KIF7: variants seen among roughly 807,000 people sequenced by gnomAD.
The protein encoded by KIF7 is kinesin family member 7.
In KIF7, 104 loss-of-function variants were observed where a neutral mutation model predicts 135.7. The observed-to-expected ratio is 0.77, with a 90% CI of 0.65 to 0.90. The LOEUF is 0.90. KIF7 is among the 40% of genes least tolerant of loss of function. KIF7 has a pLI of 0.00. For missense variants in KIF7, 2,005 were observed against 1,839.1 expected (o/e 1.09, Z -1.65); for synonymous variants, 883 against 809.4 (o/e 1.09, Z -1.54).
intron 2 of KIF7, among the ~76,000 whole-genome samples, chr15:89,650,560 AT>A (rs1422731246): frequency 2.0e-5 from 3 of 151,514 alleles, no homozygotes; most frequent in Non-Finnish European, 2.9e-5. Flanking sequence ...TGCCCAGCTA[AT>A]TTTTGTATTG....
In KIF7 at chr15:89,642,191, C is replaced by T. The variant is rs1219119252; in HGVS notation, c.2394+12G>A. The T allele has an allele frequency of 6.2e-6, 10 of 1,608,952 alleles. No homozygotes were observed. The highest frequency in any genetic ancestry group is 7.6e-6 in the Non-Finnish European group (9 of 1,179,010). ...TCACCCCAGCACCCCACCCTGAGGCCCCGAGACTAACCTGCACCTGGCTCT... is the reference window on the plus strand; with the variant it reads ...TCACCCCAGCACCCCACCCTGAGGCTCCGAGACTAACCTGCACCTGGCTCT... On this transcript the variant is annotated intron_variant, in intron 11 of 18. Transcript: ENST00000394412.
At position 89,652,863 on chromosome 15, in the gene KIF7, C is replaced by T. The variant is rs1209584417; in HGVS notation, c.68G>A (p.Arg23Gln). 3 of 1,546,864 alleles carry T rather than the reference C, an allele frequency of 1.9e-6. No homozygotes were observed. Among genetic ancestry groups the T allele is most frequent in the Non-Finnish European group, 2.6e-6 (3 of 1,145,282 alleles). The change falls in exon 2 of 19, where the codon CGA (arginine) becomes CAA (glutamine). Residue 23 changes from arginine to glutamine, a missense_variant. Arg to Gln is a conservative substitution (Grantham distance 43). Transcript: ENST00000394412. ...CAGCAGCTCCTTGGGCAGCAGTGGTCGAACTCGCAGGGCAACCCGCACTGG... is the reference window on the plus strand; with the variant it reads ...CAGCAGCTCCTTGGGCAGCAGTGGTTGAACTCGCAGGGCAACCCGCACTGG... ...EAPVRVALRVRPLLPKELLHG... is the reference protein window; with the variant it reads ...EAPVRVALRVQPLLPKELLHG...
chr15:89,654,681 C>T (rs868132221), intron 1 of KIF7, among the ~76,000 whole-genome samples: 11 of 152,214 alleles, frequency 7.2e-5, no homozygotes, highest in Non-Finnish European at 1.5e-4. Flanking sequence ...CAGCGCCCAA[C>T]ACAAGGTCCC....
intron 1 of KIF7, among the ~76,000 whole-genome samples, chr15:89,619,196 C>G (rs1008944441): frequency 1.4e-5 from 2 of 146,248 alleles, no homozygotes; most frequent in Non-Finnish European, 3.0e-5. Flanking sequence ...AACATAAATA[C>G]TTGTTTTCGC....
rs1295167090 is a variant in KIF7, at chr15:89,648,236, C to T, written c.1443+19G>A. The T allele has an allele frequency of 4.0e-6, 6 of 1,503,886 alleles. No homozygotes were observed. Among genetic ancestry groups the T allele is most frequent in the Non-Finnish European group, 5.3e-6 (6 of 1,126,746 alleles). The allele number at this position is 1,503,886 out of a possible 1,614,324, so 93.2% of individuals were successfully genotyped here. A position where few individuals can be genotyped will look rare whatever the true frequency, so the allele number is the denominator to read the frequency against. The stretch of plus-strand genomic sequence containing the variant: ...TCCCCACTGCCCACAACCACAACCA[C>T]AACCTGTCCCTCGGCCACCTTTCGC... On this transcript the variant is annotated intron_variant, in intron 5 of 18. Transcript: ENST00000394412.
At chr15:89,659,563 AG>A (rs1390075919), upstream of KIF7, among the ~76,000 whole-genome samples, 2 of 152,196 alleles carry the variant, frequency 1.3e-5, no homozygotes, top group African/African-American at 4.8e-5. Flanking sequence ...GAGAAGAGAA[AG>A]GGCAAATACT....
At chr15:89,619,570 A>G in intron 1 of KIF7, 1 of 834,868 alleles carries the variant, frequency 1.2e-6, no homozygotes, top group Non-Finnish European at 1.9e-6. Context: ...ACACTTCAGA[A>G]GTCTCTTAAA....
At chr15:89,621,722 C>G (rs1355019072) in intron 1 of KIF7, among the ~76,000 whole-genome samples, 1 of 152,136 alleles carries the variant, frequency 6.6e-6, no homozygotes, top group Admixed American at 6.5e-5. Context: ...GTGGGAACTT[C>G]AAGCAGCAGG....
intron 7 of KIF7, among the ~76,000 whole-genome samples, chr15:89,646,468 T>C (rs968975023): frequency 6.6e-6 from 1 of 152,114 alleles, no homozygotes; most frequent in African/African-American, 2.4e-5. Context: ...AAAAGTGAAC[T>C]TGCAAAGAGA....
intron 10 of KIF7, among the ~76,000 whole-genome samples, chr15:89,643,724 A>G (rs1277548122): frequency 6.6e-6 from 1 of 152,152 alleles, no homozygotes; most frequent in Non-Finnish European, 1.5e-5. Context: ...GTCTCTACTA[A>G]AAATACAAAA....
chr15:89,649,858 C>T lies in KIF7; in HGVS notation c.412G>A (p.Asp138Asn), dbSNP rs2142032150. The T allele has an allele frequency of 6.4e-7, 1 of 1,551,838 alleles. No individual in the cohort carries two copies. The change falls in exon 3 of 19, where the codon GAC becomes AAC. Residue 138 changes from aspartate (D) to asparagine (N), a missense_variant. Asp to Asn is a conservative substitution (Grantham distance 23). Coordinates refer to ENST00000394412, the MANE Select transcript of KIF7 (RefSeq NM_198525.3). ...FKLIDENDLL[D>N]CLVHVSYLEV... is the part of the protein sequence containing the mutation. ...AGGTAGGACACATGTACCAGACAGT[C>T]AAGCAGGTCGTTCTCATCGATGAGC...
chr15:89,623,867 C>G, downstream of KIF7: 1 of 1,613,884 alleles, frequency 6.2e-7, no homozygotes, highest in African/African-American at 1.3e-5. Context: ...GGAGAAGGTA[C>G]CTCTCTTGAA....
Position 89,645,116 on chromosome 15 carries a change from G to A in KIF7, c.2088C>T (p.Ala696=). ...ARVQARQVPP[A]TASEWRLAQA... ...GGGCCAGCCGCCACTCTGAGGCTGT[G>A]GCAGGGGGGACCTGGCGGGCCTGAA... Residue 696 remains alanine, a synonymous_variant, in exon 10 of 19, where the codon GCC becomes GCT. Transcript: ENST00000394412. 1 of 1,605,798 alleles carries A rather than the reference G, an allele frequency of 6.2e-7. No individual in the cohort carries two copies. Among genetic ancestry groups the A allele is most frequent in the Non-Finnish European group, 8.5e-7 (1 of 1,179,972 alleles).
At chr15:89,632,033 A>T (rs1053518573) in intron 14 of KIF7, among the ~76,000 whole-genome samples, 1 of 152,212 alleles carries the variant, frequency 6.6e-6, no homozygotes, top group Non-Finnish European at 1.5e-5. Flanking sequence ...CTGGACAGTG[A>T]TAGGAATTGG....
At chr15:89,621,184 T>C (rs1338298600) in intron 1 of KIF7, among the ~76,000 whole-genome samples, 2 of 152,006 alleles carry the variant, frequency 1.3e-5, no homozygotes, top group Non-Finnish European at 2.9e-5. Flanking sequence ...CACGCCCAGC[T>C]AATTTTTTGT....
intron 4 of KIF7, 44 bp from the exon 5 acceptor site, chr15:89,648,818 G>A (rs1964069765): frequency 6.6e-7 from 1 of 1,504,546 alleles, no homozygotes; most frequent in African/African-American, 1.4e-5. Context: ...CGACGCTCCA[G>A]GCCCAGGGCC....
intron 1 of KIF7, among the ~76,000 whole-genome samples, chr15:89,654,326 A>AG (rs538635276): frequency 0.16 from 1,266 of 8,032 alleles, 7 homozygotes; most frequent in South Asian, 0.36. Context: ...CAAAATATTA[A>AG]GGGGAAAAAA....
chr15:89,652,540 G>T, intron 2 of KIF7, 63 bp downstream of exon 2: 2 of 1,293,710 alleles, frequency 1.5e-6, no homozygotes, highest in South Asian at 1.5e-5. Flanking sequence ...GGACAAGGCA[G>T]AAATCCAGGA....
Position 89,631,659 on chromosome 15 carries a change from T to C in KIF7, c.2947A>G (p.Lys983Glu), listed in dbSNP as rs1163417627. 7.0e-6 allele frequency: 11 copies of C among 1,561,332 alleles called. No homozygotes were observed. The highest frequency in any genetic ancestry group is 7.8e-6 in the Non-Finnish European group (9 of 1,151,702). ...TGCCCGCTCTTCTCGGACAGCTCCT[T>C]CTCCAGGTGCTCCAGCCGGCTGGAC... ...RVSSRLEHLE[K>E]ELSEKSGQLR... Residue 983 changes from lysine to glutamate, a missense_variant, in exon 15 of 19, where the codon AAG (lysine) becomes GAG (glutamate). Transcript: ENST00000394412.
Sources: gnomAD v4.1 joint callset for allele counts (sites outside exome capture counted in the v4.1 genomes callset) on GRCh38, gnomAD v4.1.1 for gene constraint, MANE v1.5 for transcripts, NCBI Gene and HGNC (gene_info 2026-07-23, HGNC 2026-07-21) for gene names.